The following MARCHF1 variants were observed in gnomAD, a reference collection of about 807,000 sequenced individuals.
The protein encoded by MARCHF1 is E3 ubiquitin-protein ligase MARCHF1.
Under a neutral mutation model 54.2 loss-of-function variants are expected in MARCHF1, and 40 were observed. The observed-to-expected ratio is 0.74, with a 90% confidence interval of 0.57 to 0.96. The LOEUF (loss-of-function observed/expected upper bound fraction) is 0.96. Among genes scored for constraint, MARCHF1 ranks in the 40% least tolerant of loss-of-function variants. The probability of loss-of-function intolerance (pLI) is 0.00; values close to 1 mark genes in which losing one functional copy is unlikely to be tolerated. For synonymous variants in MARCHF1, 236 were observed against 236.3 expected, an observed-to-expected ratio of 1.00 and a Z score of 0.01; for missense variants, 586 against 656.5, an observed-to-expected ratio of 0.89 and a Z score of 1.17.
chr4:163,929,994 T>A (rs1435207384), intron 3 of MARCHF1, among the ~76,000 whole-genome samples: 6 of 103,630 alleles, frequency 5.8e-5, no homozygotes, highest in Admixed American at 5.2e-4. Context: ...ATATATATAA[T>A]ATATTATATA....
chr4:163,841,311 A>G (rs1420140026), intron 4 of MARCHF1, among the ~76,000 whole-genome samples: 1 of 152,094 alleles, frequency 6.6e-6, no homozygotes, highest in Non-Finnish European at 1.5e-5. Context: ...TTCATCAACT[A>G]TAACAAATGG....
chr4:163,791,848 A>T lies in MARCHF1; in HGVS notation c.111+62173T>A, dbSNP rs376105582. ...TAAACTTCGGGTAAGCATTCCATGT[A>T]TTTTGCTTACATAGCCCACTAGTCC... On this transcript the variant is annotated intron_variant, in intron 4 of 9. Transcript: ENST00000514618. 4.6e-5 allele frequency among the ~76,000 whole-genome samples: 7 copies of T among 152,032 alleles called. No individual in the cohort carries two copies. In the South Asian group the frequency reaches 8.3e-4, roughly 18 times the overall value.
intron 4 of MARCHF1, among the ~76,000 whole-genome samples, chr4:163,760,683 G>A (rs577367131): frequency 1.3e-5 from 2 of 152,252 alleles, no homozygotes; most frequent in South Asian, 2.1e-4. Flanking sequence ...GTACAATTGA[G>A]TACATATAAA....
intron 1 of MARCHF1, among the ~76,000 whole-genome samples, chr4:164,314,336 C>A (rs1734942651): frequency 1.3e-5 from 2 of 152,170 alleles, no homozygotes; most frequent in African/African-American, 4.8e-5. Flanking sequence ...GAATCTTGTG[C>A]ATCACACTTC....
At chr4:164,070,000 G>A (rs142258362) in intron 2 of MARCHF1, among the ~76,000 whole-genome samples, 1 of 152,146 alleles carries the variant, frequency 6.6e-6, no homozygotes, top group African/African-American at 2.4e-5. Context: ...AGCCCTAAGA[G>A]AGCTAATGCA....
intron 4 of MARCHF1, among the ~76,000 whole-genome samples, chr4:163,734,432 C>T (rs1011313222): frequency 2.6e-5 from 4 of 151,726 alleles, no homozygotes; most frequent in African/African-American, 4.8e-5. Context: ...AACTAAATAC[C>T]GGTGAAATTT....
rs1738232765 is a variant in MARCHF1, at chr4:163,528,710, A to AAGAT, written c.*34_*37dup. On this transcript the variant is annotated 3_prime_UTR_variant, in exon 10 of 10. Coordinates refer to ENST00000514618, the MANE Select transcript of MARCHF1 (RefSeq NM_001394959.1). Reference sequence around the variant, plus strand: ...TCATTTGTAGTGGCTGAGGGCTAGAAAGATATTCTTCGGTGAAGAAACTCC... The same window carrying AAGAT: ...TCATTTGTAGTGGCTGAGGGCTAGAAAGATAGATATTCTTCGGTGAAGAAACTCC... 1.9e-6 allele frequency: 3 copies of AAGAT among 1,567,044 alleles called. No homozygotes were observed. Among genetic ancestry groups the AAGAT allele is most frequent in the Non-Finnish European group, 2.6e-6 (3 of 1,154,170 alleles).
intron 1 of MARCHF1, among the ~76,000 whole-genome samples, chr4:164,146,690 T>G (rs1389354020): frequency 6.6e-6 from 1 of 152,066 alleles, no homozygotes; most frequent in African/African-American, 2.4e-5. Context: ...GATTAAAGAC[T>G]TAAACATTAG....
intron 3 of MARCHF1, among the ~76,000 whole-genome samples, chr4:163,931,503 G>C (rs1434693508): frequency 6.6e-6 from 1 of 152,088 alleles, no homozygotes; most frequent in Non-Finnish European, 1.5e-5. Flanking sequence ...ACCACGAGAA[G>C]TTACACTGAG....
intron 4 of MARCHF1, among the ~76,000 whole-genome samples, chr4:163,767,373 G>A (rs1747012802): frequency 6.7e-6 from 1 of 148,286 alleles, no homozygotes; most frequent in Admixed American, 6.8e-5. Context: ...CTCGCTCGTC[G>A]CCCAGGCTGG....
chr4:163,533,340 T>C (rs1738418488), intron 9 of MARCHF1, among the ~76,000 whole-genome samples: 2 of 151,734 alleles, frequency 1.3e-5, no homozygotes, highest in Non-Finnish European at 2.9e-5. Flanking sequence ...GCCAACAGTT[T>C]AGGAGGAGAA....
intron 2 of MARCHF1, among the ~76,000 whole-genome samples, chr4:164,022,625 C>T (rs1048796731): frequency 6.6e-6 from 1 of 152,202 alleles, no homozygotes; most frequent in Non-Finnish European, 1.5e-5. Flanking sequence ...AGAGAGTGGG[C>T]AGAGACAGGG....
chr4:164,160,035 T>C, intron 1 of MARCHF1, among the ~76,000 whole-genome samples: 1 of 147,000 alleles, frequency 6.8e-6, no homozygotes, highest in Admixed American at 6.8e-5. Flanking sequence ...ATATTGTACT[T>C]CAGACAGACT....
chr4:164,264,764 A>G (rs1013831670), intron 1 of MARCHF1, among the ~76,000 whole-genome samples: 2 of 152,032 alleles, frequency 1.3e-5, no homozygotes, highest in African/African-American at 4.8e-5. Context: ...TACTAAAAAT[A>G]CAAAAATTAG....
chr4:164,276,657 C>G (rs1733889367), intron 1 of MARCHF1, among the ~76,000 whole-genome samples: 1 of 150,956 alleles, frequency 6.6e-6, no homozygotes, highest in African/African-American at 2.4e-5. Context: ...AAATATCACT[C>G]TGTATCCCAA....
At chr4:164,370,777 G>A (rs558827241) in intron 1 of MARCHF1, among the ~76,000 whole-genome samples, 18 of 151,976 alleles carry the variant, frequency 1.2e-4, no homozygotes, top group South Asian at 4.2e-4. Flanking sequence ...GCGTGATAGC[G>A]TGCCCCTGTA....
chr4:163,674,034 G>A (rs554126388), intron 5 of MARCHF1, among the ~76,000 whole-genome samples: 139 of 152,272 alleles, frequency 9.1e-4, no homozygotes, highest in African/African-American at 3.3e-3. Flanking sequence ...AATCTGATAG[G>A]TGGTAGAAGG....
chr4:164,048,543 G>C (rs908030301), intron 2 of MARCHF1, among the ~76,000 whole-genome samples: 1 of 152,016 alleles, frequency 6.6e-6, no homozygotes, highest in Non-Finnish European at 1.5e-5. Context: ...GACATTTTCA[G>C]CAATTGGGAA....
At chr4:163,603,757 G>A (rs981463334) in intron 7 of MARCHF1, among the ~76,000 whole-genome samples, 12 of 151,604 alleles carry the variant, frequency 7.9e-5, no homozygotes, top group Non-Finnish European at 1.5e-5. Flanking sequence ...TCTTTTACTT[G>A]TATTGCAAAA....
Sources: allele counts gnomAD v4.1 joint callset (sites outside exome capture counted in the v4.1 genomes callset), GRCh38; gene constraint gnomAD v4.1.1; transcripts MANE v1.5; gene names NCBI Gene and HGNC (gene_info 2026-07-23, HGNC 2026-07-21).